LOC128125817: variants seen among roughly 807,000 people sequenced by gnomAD.
the LOC128125817 span, among the ~76,000 whole-genome samples, chr1:41,603,301 C>T: frequency 6.6e-6 from 1 of 152,060 alleles, no homozygotes; most frequent in African/African-American, 2.4e-5. Flanking sequence ...CTGCTGACCT[C>T]AGGTGATCCA....
the LOC128125817 span, among the ~76,000 whole-genome samples, chr1:41,597,389 A>G: frequency 6.6e-6 from 1 of 152,248 alleles, no homozygotes; most frequent in Non-Finnish European, 1.5e-5. Flanking sequence ...GTCTGTGGGC[A>G]TAATAATTCA....
the LOC128125817 span, among the ~76,000 whole-genome samples, chr1:41,592,145 C>T: frequency 6.6e-6 from 1 of 152,184 alleles, no homozygotes; most frequent in East Asian, 1.9e-4. Flanking sequence ...TTGCTTTCTT[C>T]AACTTTCTCT....
the LOC128125817 span, among the ~76,000 whole-genome samples, chr1:41,594,522 G>A: frequency 3.3e-5 from 5 of 152,254 alleles, no homozygotes; most frequent in African/African-American, 9.6e-5. Context: ...CCGCCTGGCC[G>A]ATATCTTATG....
chr1:41,612,282 C>T, the LOC128125817 span, among the ~76,000 whole-genome samples: 3 of 152,190 alleles, frequency 2.0e-5, no homozygotes, highest in Non-Finnish European at 2.9e-5. Flanking sequence ...TTCCCCTGGC[C>T]GGTGTTTACA....
the LOC128125817 span, among the ~76,000 whole-genome samples, chr1:41,610,802 GACA>G: frequency 6.6e-6 from 1 of 152,172 alleles, no homozygotes; most frequent in African/African-American, 2.4e-5. Flanking sequence ...TTCCTTTTTT[GACA>G]ACATCTGAGC....
the LOC128125817 span, among the ~76,000 whole-genome samples, chr1:41,627,416 A>C: frequency 4.6e-5 from 7 of 152,184 alleles, no homozygotes; most frequent in African/African-American, 1.7e-4. Flanking sequence ...GTACCACAAC[A>C]AACATCCCCT....
the LOC128125817 span, among the ~76,000 whole-genome samples, chr1:41,619,840 T>C: frequency 3.3e-5 from 5 of 152,192 alleles, no homozygotes; most frequent in Admixed American, 2.6e-4. Context: ...AGCTCCAAAA[T>C]AGGAAATTCG....
At chr1:41,620,040 A>G in the LOC128125817 span, among the ~76,000 whole-genome samples, 22 of 152,266 alleles carry the variant, frequency 1.4e-4, no homozygotes, top group South Asian at 8.3e-4. Flanking sequence ...TCCTTTGAAT[A>G]TCTGTTGAAT....
chr1:41,616,500 T>C, the LOC128125817 span, among the ~76,000 whole-genome samples: 1 of 151,810 alleles, frequency 6.6e-6, no homozygotes, highest in Non-Finnish European at 1.5e-5. Flanking sequence ...CAAGCTCCCA[T>C]TTGAGACTCC....
At chr1:41,602,367 A>C in the LOC128125817 span, among the ~76,000 whole-genome samples, 4 of 152,180 alleles carry the variant, frequency 2.6e-5, no homozygotes, top group African/African-American at 7.2e-5. Context: ...CAGTGAAGCT[A>C]TCTGGTCCTG....
At chr1:41,603,288 G>A in the LOC128125817 span, among the ~76,000 whole-genome samples, 3 of 151,922 alleles carry the variant, frequency 2.0e-5, no homozygotes, top group Admixed American at 6.6e-5. Context: ...GGCTGGTCTC[G>A]AACTGCTGAC....
At chr1:41,601,307 T>C in the LOC128125817 span, among the ~76,000 whole-genome samples, 1 of 152,294 alleles carries the variant, frequency 6.6e-6, no homozygotes, top group South Asian at 2.1e-4. Context: ...GAGATTTTTA[T>C]GGGGGTTTCA....
At chr1:41,621,859 T>C in the LOC128125817 span, among the ~76,000 whole-genome samples, 2 of 152,142 alleles carry the variant, frequency 1.3e-5, no homozygotes, top group Non-Finnish European at 2.9e-5. Flanking sequence ...TTGGAAAGAC[T>C]TCCTGACCTC....
the LOC128125817 span, among the ~76,000 whole-genome samples, chr1:41,601,441 T>C: frequency 6.6e-6 from 1 of 152,178 alleles, no homozygotes; most frequent in African/African-American, 2.4e-5. Context: ...AAATGTTTTG[T>C]AGTTTCCAGT....
the LOC128125817 span, among the ~76,000 whole-genome samples, chr1:41,595,037 T>A: frequency 6.6e-6 from 1 of 152,214 alleles, no homozygotes; most frequent in Non-Finnish European, 1.5e-5. Context: ...AAGCACAGGT[T>A]CTAGCCCTAT....
the LOC128125817 span, among the ~76,000 whole-genome samples, chr1:41,587,918 G>A: frequency 1.6e-3 from 244 of 152,280 alleles, 3 homozygotes; most frequent in East Asian, 0.039. Flanking sequence ...AGGGGACATC[G>A]CTGTATCCAC....
chr1:41,593,227 C>G, the LOC128125817 span, among the ~76,000 whole-genome samples: 1 of 152,182 alleles, frequency 6.6e-6, no homozygotes, highest in Non-Finnish European at 1.5e-5. Context: ...TCTCCCTGTC[C>G]CCACATGCCC....
chr1:41,616,460 G>A, the LOC128125817 span, among the ~76,000 whole-genome samples: 130 of 152,260 alleles, frequency 8.5e-4, 1 homozygote, highest in African/African-American at 2.9e-3. Flanking sequence ...CAGAGTCTCC[G>A]GGTTGAAGGG....
At chr1:41,587,017 CTA>C in the LOC128125817 span, among the ~76,000 whole-genome samples, 1 of 152,032 alleles carries the variant, frequency 6.6e-6, no homozygotes. Context: ...TATAATTCAG[CTA>C]TATATTTATA....
Sources: gnomAD v4.1 joint callset for allele counts (sites outside exome capture counted in the v4.1 genomes callset) on GRCh38, gnomAD v4.1.1 for gene constraint, MANE v1.5 for transcripts.